The following CCSER1 variants were observed in gnomAD, a reference collection of about 807,000 sequenced individuals.
CCSER1 encodes coiled-coil serine rich protein 1.
In CCSER1, 41 loss-of-function variants were observed where a neutral mutation model predicts 82.0. The observed-to-expected ratio is 0.50, with a 90% CI of 0.39 to 0.65. The LOEUF is 0.65. Among genes scored for constraint, CCSER1 ranks in the 30% least tolerant of loss-of-function variants. The pLI is 0.00. For synonymous variants in CCSER1, 414 were observed against 383.9 expected, an observed-to-expected ratio of 1.08 and a Z score of -0.92; for missense variants, 1,119 against 1,064.2, an observed-to-expected ratio of 1.05 and a Z score of -0.72.
At chr4:90,887,679 C>G (rs1722337975) in intron 8 of CCSER1, among the ~76,000 whole-genome samples, 1 of 152,204 alleles carries the variant, frequency 6.6e-6, no homozygotes, top group South Asian at 2.1e-4. Context: ...GTCAAGAGCT[C>G]AAGAGCATCC....
chr4:91,149,498 C>G (rs993813036), intron 10 of CCSER1, among the ~76,000 whole-genome samples: 17 of 152,280 alleles, frequency 1.1e-4, no homozygotes, highest in Non-Finnish European at 2.2e-4. Flanking sequence ...TCCCATTTGT[C>G]AATTCTGGCT....
intron 1 of CCSER1, among the ~76,000 whole-genome samples, chr4:90,173,564 G>A (rs1732133271): frequency 6.6e-6 from 1 of 151,816 alleles, no homozygotes; most frequent in African/African-American, 2.4e-5. Context: ...TTGTCCTAGA[G>A]TCTCAGACAA....
intron 6 of CCSER1, among the ~76,000 whole-genome samples, chr4:90,714,234 T>G (rs1232402534): frequency 6.6e-6 from 1 of 152,048 alleles, no homozygotes; most frequent in Non-Finnish European, 1.5e-5. Flanking sequence ...TTGTTCCTTT[T>G]TCTATCTATT....
intron 3 of CCSER1, among the ~76,000 whole-genome samples, chr4:90,361,884 C>T (rs542686360): frequency 5.6e-4 from 85 of 152,280 alleles, no homozygotes; most frequent in Non-Finnish European, 1.0e-3. Flanking sequence ...CTTCAAACTA[C>T]CTTTCCAGGC....
intron 10 of CCSER1, among the ~76,000 whole-genome samples, chr4:91,317,605 T>TGTGTGTGTGTGTGC (rs1386135272): frequency 5.3e-5 from 8 of 149,688 alleles, no homozygotes; most frequent in African/African-American, 1.0e-4. Flanking sequence ...TGTGTGTGCG[T>TGTGTGTGTGTGTGC]GTGTGTGTGT....
chr4:90,316,080 T>G (rs1736114654), intron 3 of CCSER1, among the ~76,000 whole-genome samples: 2 of 152,228 alleles, frequency 1.3e-5, no homozygotes, highest in South Asian at 4.1e-4. Flanking sequence ...TTTTTAATGC[T>G]TGTTGGAACC....
At chr4:90,281,487 T>C (rs1728838523) in intron 1 of CCSER1, among the ~76,000 whole-genome samples, 1 of 151,994 alleles carries the variant, frequency 6.6e-6, no homozygotes, top group African/African-American at 2.4e-5. Flanking sequence ...GAAGCTAAAA[T>C]AAAAGTTAAA....
chr4:91,048,346 A>G (rs1368493627), intron 9 of CCSER1, among the ~76,000 whole-genome samples: 1 of 148,838 alleles, frequency 6.7e-6, no homozygotes. Context: ...TTTTCCTCTG[A>G]CATTTAAAAA....
chr4:91,070,646 A>T (rs1721328929), intron 9 of CCSER1, among the ~76,000 whole-genome samples: 1 of 152,136 alleles, frequency 6.6e-6, no homozygotes, highest in Non-Finnish European at 1.5e-5. Flanking sequence ...CCTATTGTGA[A>T]CTGTGCATGC....
chr4:91,323,626 T>A (rs922032706), intron 10 of CCSER1, among the ~76,000 whole-genome samples: 1 of 152,174 alleles, frequency 6.6e-6, no homozygotes, highest in African/African-American at 2.4e-5. Flanking sequence ...TTTTGAACGA[T>A]TTTTCTATAG....
intron 10 of CCSER1, among the ~76,000 whole-genome samples, chr4:91,506,434 T>C (rs1759491165): frequency 6.6e-6 from 1 of 152,136 alleles, no homozygotes; most frequent in Admixed American, 6.5e-5. Context: ...ATATGGGCTA[T>C]TTTTTGGTTC....
At chr4:90,407,747 G>A (rs1214446765) in intron 4 of CCSER1, among the ~76,000 whole-genome samples, 1 of 152,262 alleles carries the variant, frequency 6.6e-6, no homozygotes, top group East Asian at 1.9e-4. Context: ...TCCAACTGAG[G>A]TACTGGGTTC....
chr4:90,390,494 TA>T (rs766734522), intron 3 of CCSER1, among the ~76,000 whole-genome samples: 7 of 152,164 alleles, frequency 4.6e-5, no homozygotes, highest in Non-Finnish European at 7.4e-5. Flanking sequence ...TTTTGACCAG[TA>T]TTACCCAATG....
intron 1 of CCSER1, among the ~76,000 whole-genome samples, chr4:90,296,752 C>G (rs1237341069): frequency 6.6e-6 from 1 of 152,132 alleles, no homozygotes; most frequent in Non-Finnish European, 1.5e-5. Flanking sequence ...AATAGGGAAT[C>G]ATTTCCCCAT....
chr4:91,598,729 A>G lies in CCSER1; in HGVS notation c.2375A>G (p.Asn792Ser). The G allele has an allele frequency of 6.4e-7, 1 of 1,551,586 alleles. No individual in the cohort carries two copies. The highest frequency in any genetic ancestry group is 8.7e-7 in the Non-Finnish European group (1 of 1,146,922). Residue 792 changes from asparagine (N) to serine (S), a missense_variant, in exon 11 of 11, where the codon AAT becomes AGT. Transcript: ENST00000509176. The stretch of plus-strand genomic sequence containing the variant: ...CAACTCCCAAGTCTCTGTTTAAGTA[A>G]TTTCCTGAAGGACAAGGAACTAGCA... ...TCQLPSLCLS[N>S]FLKDKELAEV...
intron 5 of CCSER1, among the ~76,000 whole-genome samples, chr4:90,564,226 T>C (rs942486866): frequency 6.8e-6 from 1 of 146,540 alleles, no homozygotes; most frequent in African/African-American, 2.8e-5. Context: ...TCACAGCTTA[T>C]TGTGATTTCA....
intron 8 of CCSER1, among the ~76,000 whole-genome samples, chr4:90,882,128 A>G (rs1229468854): frequency 6.6e-6 from 1 of 152,086 alleles, no homozygotes; most frequent in Non-Finnish European, 1.5e-5. Context: ...AACATTTGTT[A>G]TATAATATCA....
chr4:91,532,551 T>C (rs1761089254), intron 10 of CCSER1, among the ~76,000 whole-genome samples: 1 of 152,186 alleles, frequency 6.6e-6, no homozygotes, highest in Admixed American at 6.6e-5. Context: ...AACAAAAATA[T>C]GTGTAATCAG....
intron 3 of CCSER1, among the ~76,000 whole-genome samples, chr4:90,335,420 A>G (rs944876376): frequency 3.3e-5 from 5 of 151,852 alleles, no homozygotes; most frequent in African/African-American, 1.2e-4. Flanking sequence ...GAGAGGTAGT[A>G]ATTATATATA....
Sources: allele counts gnomAD v4.1 joint callset (sites outside exome capture counted in the v4.1 genomes callset), GRCh38; gene constraint gnomAD v4.1.1; transcripts MANE v1.5; gene names NCBI Gene and HGNC (gene_info 2026-07-23, HGNC 2026-07-21).